The following KDM1A variants were observed in gnomAD, a reference collection of about 807,000 sequenced individuals.
KDM1A encodes the protein lysine demethylase 1A.
KDM1A carries 49 observed loss-of-function variants against 109.4 expected under a neutral mutation model. That is an observed-to-expected ratio of 0.45 (90% confidence interval 0.36 to 0.57). KDM1A has a LOEUF of 0.57. Ranked by LOEUF, KDM1A falls within the 20% of genes least tolerant of loss-of-function variation. The pLI, the probability that KDM1A is intolerant of heterozygous loss-of-function variation, is 0.00. For missense variants in KDM1A, 668 were observed against 1,116.6 expected, an observed-to-expected ratio of 0.60 and a Z score of 5.73; for synonymous variants, 380 against 415.4, an observed-to-expected ratio of 0.91 and a Z score of 1.04.
chr1:23,074,707 C>T (rs1451924002), intron 15 of KDM1A, among the ~76,000 whole-genome samples: 1 of 152,132 alleles, frequency 6.6e-6, no homozygotes, highest in Admixed American at 6.5e-5. Flanking sequence ...TAGGTCTATA[C>T]TCCATTTTGT....
chr1:23,030,709 A>C lies in KDM1A; in HGVS notation c.517+75A>C, dbSNP rs932661854. 79 of 1,397,552 alleles carry C rather than the reference A, an allele frequency of 5.7e-5. No individual in the cohort carries two copies. The African/African-American group carries it at 1.1e-3, about 20-fold the overall frequency. 86.6% of individuals were successfully genotyped at this position (1,397,552 alleles called of 1,614,324 possible). ...TGAATGGATTTATTTCCATTTTGCA[A>C]TATTATTTATGTCTTTATCTTTGGT... On this transcript the variant is annotated intron_variant, in intron 2 of 20. Coordinates refer to ENST00000400181, the MANE Select transcript of KDM1A (RefSeq NM_001009999.3).
chr1:23,068,182 G>A (rs944797168), intron 10 of KDM1A, among the ~76,000 whole-genome samples: 3 of 152,126 alleles, frequency 2.0e-5, no homozygotes, highest in Non-Finnish European at 4.4e-5. Flanking sequence ...GACTTTTCTA[G>A]TGTGTTGTTT....
At position 23,037,714 on chromosome 1, in the gene KDM1A, A is replaced by C. The variant is rs117438260; in HGVS notation, c.518-6713A>C. Among the ~76,000 whole-genome samples the C allele has an allele frequency of 1.7e-3, 258 of 152,342 alleles. 9 individuals carry two copies. In the East Asian group the frequency reaches 0.045, roughly 27 times the overall value. ...TTTTGTGTTAAACATGAAAGGATGA[A>C]GCAGTTTTAGATCCTTGATTTTTAA... On this transcript the variant is annotated intron_variant, in intron 2 of 20. Transcript: ENST00000400181.
At chr1:23,059,304 T>C (rs779813205) in intron 9 of KDM1A, 137 bp downstream of exon 9, 1 of 747,090 alleles carries the variant, frequency 1.3e-6, no homozygotes, top group Non-Finnish European at 2.5e-6. Context: ...GTAGAGATGA[T>C]GTGATGTTAT....
intron 15 of KDM1A, among the ~76,000 whole-genome samples, chr1:23,075,273 G>C (rs12085556): frequency 0.04 from 6,073 of 152,254 alleles, 413 homozygotes; most frequent in African/African-American, 0.14. Context: ...CTCTAAATCT[G>C]AGACTTTGGC....
rs188002139 is a variant in KDM1A at position 23,035,128 on chromosome 1, A to G, written c.517+4494A>G. ...TTATATTCTTATTTGTACCAGAGGA[A>G]GCCCTCTTCTCTATTATATGTGGTA... On this transcript the variant is annotated intron_variant, in intron 2 of 20. Transcript: ENST00000400181. 2.7e-3 allele frequency among the ~76,000 whole-genome samples: 406 copies of G among 152,360 alleles called. 4 individuals are homozygous for G. Among genetic ancestry groups the G allele is most frequent in the African/African-American group, 9.0e-3 (376 of 41,586 alleles).
intron 3 of KDM1A, 98 bp downstream of exon 3, chr1:23,044,584 C>A: frequency 9.9e-7 from 1 of 1,006,726 alleles, no homozygotes; most frequent in Non-Finnish European, 1.4e-6. Flanking sequence ...CACATTTTAG[C>A]CAGAAGCGCA....
In KDM1A at chr1:23,019,489, G is replaced by A. The variant is rs569295350; in HGVS notation, c.-108G>A. 1.7e-5 allele frequency: 22 copies of A among 1,288,308 alleles called. No homozygotes were observed. Among genetic ancestry groups the A allele is most frequent in the Non-Finnish European group, 5.9e-6 (6 of 1,017,806 alleles). 79.8% of individuals were successfully genotyped at this position (1,288,308 alleles called of 1,614,324 possible). A position where few individuals can be genotyped will look rare whatever the true frequency, so the allele number is the denominator to read the frequency against. On this transcript the variant is annotated 5_prime_UTR_variant, in exon 1 of 21. Transcript: ENST00000400181. ...GCTTGGCGCGTGCGTACGCGACGGC[G>A]GTTGGCGGCGCGCGGGCAGCGTGAA...
intron 15 of KDM1A, among the ~76,000 whole-genome samples, chr1:23,074,346 C>T (rs554890501): frequency 1.3e-5 from 2 of 152,272 alleles, no homozygotes; most frequent in East Asian, 1.9e-4. Flanking sequence ...AGGCAGAAGT[C>T]CTTTGTCAGA....
At chr1:23,021,673 A>C (rs1055560563) in intron 1 of KDM1A, among the ~76,000 whole-genome samples, 3 of 152,212 alleles carry the variant, frequency 2.0e-5, no homozygotes, top group Admixed American at 2.0e-4. Context: ...AAAAGCAAAC[A>C]AAAAAACAGG....
At chr1:23,078,943 A>G in intron 16 of KDM1A, 47 bp from the exon 17 acceptor site, 1 of 1,499,098 alleles carries the variant, frequency 6.7e-7, no homozygotes, top group Non-Finnish European at 9.2e-7. Flanking sequence ...TGTCCTTATC[A>G]GTGCCATATT....
chr1:23,053,026 G>C (rs920260193), intron 4 of KDM1A, among the ~76,000 whole-genome samples: 12 of 152,136 alleles, frequency 7.9e-5, no homozygotes, highest in African/African-American at 2.9e-4. Flanking sequence ...ATTCCATTCA[G>C]TGTCTGGCGT....
Position 23,019,516 on chromosome 1 carries a change from C to T in KDM1A, c.-81C>T, listed in dbSNP as rs1439545801. 2.3e-6 allele frequency: 3 copies of T among 1,311,258 alleles called. No individual in the cohort carries two copies. Among genetic ancestry groups the T allele is most frequent in the South Asian group, 2.5e-5 (1 of 39,454 alleles). The allele number at this position is 1,311,258 out of a possible 1,614,324, so 81.2% of individuals were successfully genotyped here. On this transcript the variant is annotated 5_prime_UTR_variant, in exon 1 of 21. Coordinates refer to ENST00000400181, the MANE Select transcript of KDM1A (RefSeq NM_001009999.3). Reference sequence around the variant, plus strand: ...TTGGCGGCGCGCGGGCAGCGTGAAGCGAGGCGAGGCAAGGCTTTTCGGACC... The same window carrying T: ...TTGGCGGCGCGCGGGCAGCGTGAAGTGAGGCGAGGCAAGGCTTTTCGGACC...
rs560647199 is a variant in KDM1A at position 23,068,972 on chromosome 1, C to G, written c.1323-89C>G. On this transcript the variant is annotated intron_variant, in intron 11 of 20. Coordinates refer to ENST00000400181, the MANE Select transcript of KDM1A (RefSeq NM_001009999.3). ...CCTAAGTATCAGAAGTTTCAGTGGG[C>G]CTTGATGCCCTTAAATGTTTTTGAT... The G allele has an allele frequency of 9.1e-5, 77 of 842,418 alleles. No individual in the cohort carries two copies. The South Asian group carries it at 1.4e-3, about 15-fold the overall frequency. 52.2% of individuals were successfully genotyped at this position (842,418 alleles called of 1,614,324 possible). A position where few individuals can be genotyped will look rare whatever the true frequency, so the allele number is the denominator to read the frequency against.
At chr1:23,059,732 G>T (rs1225104744) in intron 9 of KDM1A, among the ~76,000 whole-genome samples, 1 of 152,172 alleles carries the variant, frequency 6.6e-6, no homozygotes, top group Non-Finnish European at 1.5e-5. Context: ...TTTAATGACT[G>T]TAAGATAAGC....
In KDM1A at chr1:23,079,603, C is replaced by G; in HGVS notation, c.2106C>G (p.Phe702Leu). The G allele has an allele frequency of 6.2e-7, 1 of 1,613,804 alleles. No individual in the cohort carries two copies. The change falls in exon 18 of 21, where the codon TTC (phenylalanine) becomes TTG (leucine). Residue 702 changes from phenylalanine to leucine, a missense_variant. Physicochemically the swap from Phe to Leu is conservative, Grantham distance 22. Coordinates refer to ENST00000400181, the MANE Select transcript of KDM1A (RefSeq NM_001009999.3). The surrounding 1 kb of genome is among the most constrained non-coding windows in gnomAD (Gnocchi z 5.6). ...TCTGGGATCCAAGTGTCAATTTGTT[C>G]GGGCATGTTGGCAGTACGACTGCCA... ...RVFWDPSVNL[F>L]GHVGSTTASR...
intron 18 of KDM1A, 130 bp from the exon 19 acceptor site, chr1:23,081,316 G>C: frequency 4.0e-6 from 4 of 1,011,204 alleles, no homozygotes; most frequent in Non-Finnish European, 5.9e-6. Flanking sequence ...CTGTCTCTTC[G>C]CATTTGAATG....
At chr1:23,068,394 A>C in intron 10 of KDM1A, 145 bp from the exon 11 acceptor site, 2 of 617,154 alleles carry the variant, frequency 3.2e-6, no homozygotes, top group East Asian at 6.4e-5. Context: ...CACTTCATAG[A>C]AAAGAAAATT....
At chr1:23,081,097 T>C (rs1643607931) in intron 18 of KDM1A, 1 of 234,822 alleles carries the variant, frequency 4.3e-6, no homozygotes, top group Non-Finnish European at 8.4e-6. Flanking sequence ...TCCAAGGTAG[T>C]CAAGGTTAAG....
Sources: gnomAD v4.1 joint callset for allele counts (sites outside exome capture counted in the v4.1 genomes callset) on GRCh38, gnomAD v4.1.1 for gene constraint, Gnocchi (gnomAD v3.1) non-coding constraint, MANE v1.5 for transcripts, NCBI Gene and HGNC (gene_info 2026-07-23, HGNC 2026-07-21) for gene names.